Variants in HNF4G observed in about 807,000 individuals in gnomAD.
The protein encoded by HNF4G is hepatocyte nuclear factor 4-gamma.
HNF4G carries 21 observed loss-of-function variants against 50.9 expected under a neutral mutation model. The ratio of observed to expected loss-of-function variants is 0.41; its 90% CI spans 0.29 to 0.59. The LOEUF is 0.59. HNF4G is among the 20% of genes least tolerant of loss of function. HNF4G has a pLI of 0.26. For missense variants in HNF4G, 527 were observed against 559.4 expected, an observed-to-expected ratio of 0.94 and a Z score of 0.58; for synonymous variants, 198 against 185.6, an observed-to-expected ratio of 1.07 and a Z score of -0.54.
chr8:75,493,826 A>T (rs1426041363), intron 2 of HNF4G, among the ~76,000 whole-genome samples: 1 of 152,208 alleles, frequency 6.6e-6, no homozygotes, highest in Admixed American at 6.5e-5. Flanking sequence ...ATTATGTTTT[A>T]ATTGTTATTC....
At chr8:75,534,065 A>C (rs879792754) in intron 2 of HNF4G, among the ~76,000 whole-genome samples, 1 of 151,938 alleles carries the variant, frequency 6.6e-6, no homozygotes, top group Admixed American at 6.6e-5. Flanking sequence ...ACAGATTTGC[A>C]ATAGGTACTG....
At chr8:75,415,062 T>A (rs962561182) in intron 1 of HNF4G, among the ~76,000 whole-genome samples, 1 of 152,240 alleles carries the variant, frequency 6.6e-6, no homozygotes, top group Non-Finnish European at 1.5e-5. Context: ...ATTTTAGACA[T>A]TCTAAAAGAT....
chr8:75,458,106 T>G (rs2130598267), intron 1 of HNF4G, among the ~76,000 whole-genome samples: 1 of 152,206 alleles, frequency 6.6e-6, no homozygotes, highest in South Asian at 2.1e-4. Flanking sequence ...CAAACTTCAG[T>G]TATGTCTTAA....
At chr8:75,498,057 C>T (rs1386104736) in intron 2 of HNF4G, among the ~76,000 whole-genome samples, 1 of 151,650 alleles carries the variant, frequency 6.6e-6, no homozygotes, top group Non-Finnish European at 1.5e-5. Flanking sequence ...TGTCGGCACA[C>T]AAGACAAAAA....
intron 2 of HNF4G, 31 bp from the exon 3 acceptor site, chr8:75,547,556 T>C (rs1474898099): frequency 7.1e-7 from 1 of 1,403,448 alleles, no homozygotes; most frequent in African/African-American, 1.4e-5. Flanking sequence ...AATTATAGTT[T>C]TCTGCAAACT....
chr8:75,509,724 T>C (rs1310151949), intron 2 of HNF4G, among the ~76,000 whole-genome samples: 4 of 152,286 alleles, frequency 2.6e-5, no homozygotes, highest in East Asian at 3.9e-4. Context: ...AAAGTTCCTA[T>C]GGTTAATGAT....
At chr8:75,492,152 T>G (rs1213700182) in intron 2 of HNF4G, among the ~76,000 whole-genome samples, 1 of 152,230 alleles carries the variant, frequency 6.6e-6, no homozygotes, top group Non-Finnish European at 1.5e-5. Context: ...ATTCCTGGCT[T>G]GAAATGCTTG....
Position 75,416,859 on chromosome 8 carries a change from G to A in HNF4G, c.-144+8697G>A, listed in dbSNP as rs148960158. ...ATGCAGGTTTTGGAGTTAAATACAC[G>A]TGATTCAAGCCTGCAGCTTTGAGCA... On this transcript the variant is annotated intron_variant, in intron 1 of 10. Coordinates refer to the HNF4G transcript ENST00000354370. Among the ~76,000 whole-genome samples, 433 of 152,260 alleles carry A rather than the reference G, an allele frequency of 2.8e-3. 2 individuals carry two copies. Among genetic ancestry groups the A allele is most frequent in the African/African-American group, 9.7e-3 (405 of 41,558 alleles).
rs1016092976 is a variant in HNF4G at position 75,565,777 on chromosome 8, A to T, written c.*1681A>T. On this transcript the variant is annotated 3_prime_UTR_variant, in exon 10 of 10. Coordinates refer to ENST00000396423, the MANE Select transcript of HNF4G (RefSeq NM_004133.5). ...ACTTACCTTATAAGTAAAAAGGTTA[A>T]TATCAAGTAACTTATTAGCTCTTAA... 3 of 152,198 alleles carry T rather than the reference A, an allele frequency of 2.0e-5. No homozygotes were observed. The highest frequency in any genetic ancestry group is 7.2e-5 in the African/African-American group (3 of 41,456). 9.4% of individuals were successfully genotyped at this position (152,198 alleles called of 1,614,324 possible). A position where few individuals can be genotyped will look rare whatever the true frequency, so the allele number is the denominator to read the frequency against.
chr8:75,535,355 T>TTTC (rs1377152080), upstream of HNF4G, among the ~76,000 whole-genome samples: 1 of 151,550 alleles, frequency 6.6e-6, no homozygotes, highest in African/African-American at 2.4e-5. Context: ...AAATATGATT[T>TTTC]TTTTTTAATT....
At chr8:75,438,772 C>T (rs534392960) in intron 1 of HNF4G, among the ~76,000 whole-genome samples, 79 of 152,186 alleles carry the variant, frequency 5.2e-4, no homozygotes, top group African/African-American at 1.9e-3. Flanking sequence ...GTTATCTCTT[C>T]TACTCTATAC....
intron 1 of HNF4G, among the ~76,000 whole-genome samples, chr8:75,420,292 C>T (rs868513786): frequency 2.6e-5 from 4 of 152,160 alleles, no homozygotes; most frequent in East Asian, 3.9e-4. Flanking sequence ...CTGCTTTCTC[C>T]GTAACCACAT....
intron 1 of HNF4G, among the ~76,000 whole-genome samples, chr8:75,483,247 T>C (rs1037855953): frequency 1.6e-5 from 2 of 125,886 alleles, no homozygotes; most frequent in Admixed American, 1.5e-4. Flanking sequence ...TTCAAATAAG[T>C]CACTTAATTT....
chr8:75,566,244 C>G lies in HNF4G; in HGVS notation c.*2148C>G, dbSNP rs1287979717. 5 of 152,118 alleles carry G rather than the reference C, an allele frequency of 3.3e-5. No individual in the cohort carries two copies. Among genetic ancestry groups the G allele is most frequent in the Non-Finnish European group, 7.4e-5 (5 of 68,020 alleles). The allele number at this position is 152,118 out of a possible 1,614,324, so 9.4% of individuals were successfully genotyped here. ...CATAAAAGGAAAAAGGTAGCTCTCT[C>G]GAGTCTCTTTAATAAAGATACTAAT... On this transcript the variant is annotated 3_prime_UTR_variant, in exon 10 of 10. Transcript: ENST00000396423.
intron 1 of HNF4G, among the ~76,000 whole-genome samples, chr8:75,452,275 GTAA>G (rs1811601979): frequency 6.6e-6 from 1 of 152,074 alleles, no homozygotes; most frequent in Admixed American, 6.6e-5. Context: ...GGTTACAGTA[GTAA>G]TATTTATAAT....
intron 1 of HNF4G, among the ~76,000 whole-genome samples, chr8:75,444,925 G>A (rs544971115): frequency 0.046 from 6,199 of 134,456 alleles, 124 homozygotes; most frequent in Non-Finnish European, 0.061. Flanking sequence ...TGCACCAAGC[G>A]GACCTAATAG....
At chr8:75,547,358 T>G (rs748615816) in intron 2 of HNF4G, among the ~76,000 whole-genome samples, 8 of 152,350 alleles carry the variant, frequency 5.3e-5, no homozygotes, top group South Asian at 2.1e-4. Flanking sequence ...GCAGCCAAAA[T>G]GAAGATAGTC....
At chr8:75,416,508 C>T (rs16939068) in intron 1 of HNF4G, among the ~76,000 whole-genome samples, 7,390 of 152,174 alleles carry the variant, frequency 0.049, 490 homozygotes, top group African/African-American at 0.15. Flanking sequence ...CCGAGAGAAA[C>T]TGAAGTCTAC....
chr8:75,558,863 T>G lies in HNF4G; in HGVS notation c.949T>G (p.Leu317Val). ...KNMRFQVQIGLEDYINDRQYD... is the reference protein window; with the variant it reads ...KNMRFQVQIGVEDYINDRQYD... ...CATGAGGTTCCAAGTGCAGATCGGT[T>G]TGGAGGACTACATCAATGATCGGCA... The change falls in exon 8 of 10, where the codon TTG (leucine) becomes GTG (valine). Residue 317 changes from leucine to valine, a missense_variant. Leu to Val is a conservative substitution (Grantham distance 32). Coordinates refer to ENST00000396423, the MANE Select transcript of HNF4G (RefSeq NM_004133.5). 3 of 1,614,008 alleles carry G rather than the reference T, an allele frequency of 1.9e-6. No homozygotes were observed. The highest frequency in any genetic ancestry group is 2.5e-6 in the Non-Finnish European group (3 of 1,179,990).
Sources: allele counts gnomAD v4.1 joint callset (sites outside exome capture counted in the v4.1 genomes callset), GRCh38; gene constraint gnomAD v4.1.1; transcripts MANE v1.5; gene names NCBI Gene and HGNC (gene_info 2026-07-23, HGNC 2026-07-21).